HTR1E: variants seen among roughly 807,000 people sequenced by gnomAD.
HTR1E encodes the protein 5-hydroxytryptamine receptor 1E.
Under a neutral mutation model 3.4 loss-of-function variants are expected in HTR1E, and 3 were observed. The observed-to-expected ratio is 0.89, with a 90% CI of 0.41 to 2.31. The LOEUF (loss-of-function observed/expected upper bound fraction) is 2.31, where lower values mean the gene tolerates loss of function less well. HTR1E is among the 30% of genes most tolerant of loss of function. The pLI, the probability that HTR1E is intolerant of heterozygous loss-of-function variation, is 0.05. For synonymous variants in HTR1E, 170 were observed against 182.8 expected, an observed-to-expected ratio of 0.93 and a Z score of 0.56; for missense variants, 392 against 467.0, an observed-to-expected ratio of 0.84 and a Z score of 1.48.
chr6:86,949,306 A>C (rs1031154916), intron 1 of HTR1E, among the ~76,000 whole-genome samples: 2 of 152,172 alleles, frequency 1.3e-5, no homozygotes, highest in Non-Finnish European at 2.9e-5. Flanking sequence ...ATATGTGAAA[A>C]AGTGCTTAAA....
rs139559801 is a variant in HTR1E, at chr6:87,001,425, T to C, written c.-185-13725T>C. Among the ~76,000 whole-genome samples the C allele has an allele frequency of 1.1e-3, 167 of 152,292 alleles. 1 individual carries two copies. The highest frequency in any genetic ancestry group is 3.4e-3 in the Middle Eastern group (1 of 294). ...TCTGGTGCCTACAAGAAACACACTT[T>C]GTTACTGAAACACCAGGGCTTCTGT... is the stretch of plus-strand genomic sequence containing the variant. On this transcript the variant is annotated intron_variant, in intron 1 of 1. Transcript: ENST00000305344.
chr6:86,981,426 C>T (rs1052255364), intron 1 of HTR1E, among the ~76,000 whole-genome samples: 2 of 152,202 alleles, frequency 1.3e-5, no homozygotes, highest in Admixed American at 6.5e-5. Context: ...ATTATGCTTA[C>T]CATTTCGCAG....
At chr6:86,967,913 G>GA (rs1009976588) in intron 1 of HTR1E, among the ~76,000 whole-genome samples, 8 of 152,134 alleles carry the variant, frequency 5.3e-5, no homozygotes, top group Admixed American at 4.6e-4. Flanking sequence ...AGAGGGGAGA[G>GA]TTTTTTTGGA....
chr6:87,008,696 G>A (rs553079860), intron 1 of HTR1E, among the ~76,000 whole-genome samples: 1 of 152,264 alleles, frequency 6.6e-6, no homozygotes, highest in East Asian at 1.9e-4. Context: ...AGTATAAAAT[G>A]CAGCTTGCTG....
chr6:87,008,498 ATATT>A (rs897329957), intron 1 of HTR1E, among the ~76,000 whole-genome samples: 68 of 152,344 alleles, frequency 4.5e-4, no homozygotes, highest in African/African-American at 1.6e-3. Context: ...AGACGAAAGA[ATATT>A]TATGGTGAAT....
Position 87,016,455 on chromosome 6 carries a change from G to A in HTR1E, c.*23G>A, listed in dbSNP as rs75654356. 1.3e-4 allele frequency: 206 copies of A among 1,555,654 alleles called. No homozygotes were observed. In the African/African-American group the frequency reaches 2.5e-3, roughly 19 times the overall value. Reference sequence around the variant, plus strand: ...TAGACTGTAAAAAGCTAAAAGGCACGACTTTTTCCAGAGCCTCATGAGTGG... The same window carrying A: ...TAGACTGTAAAAAGCTAAAAGGCACAACTTTTTCCAGAGCCTCATGAGTGG... On this transcript the variant is annotated 3_prime_UTR_variant, in exon 2 of 2. Coordinates refer to ENST00000305344, the MANE Select transcript of HTR1E (RefSeq NM_000865.3).
intron 1 of HTR1E, among the ~76,000 whole-genome samples, chr6:86,957,539 CCTTACCT>C (rs1767343343): frequency 1.3e-5 from 2 of 152,236 alleles, no homozygotes; most frequent in South Asian, 4.1e-4. Context: ...TCATATTTCA[CCTTACCT>C]CTTAACTTTT....
chr6:86,950,733 A>G (rs1223755510), intron 1 of HTR1E, among the ~76,000 whole-genome samples: 1 of 152,204 alleles, frequency 6.6e-6, no homozygotes, highest in African/African-American at 2.4e-5. Context: ...TAAGAAGGCT[A>G]TCAAATCTTC....
chr6:86,987,048 C>T (rs920472974), intron 1 of HTR1E, among the ~76,000 whole-genome samples: 1 of 152,002 alleles, frequency 6.6e-6, no homozygotes, highest in Non-Finnish European at 1.5e-5. Flanking sequence ...GGCAAGACAA[C>T]CAAATACAAA....
chr6:87,009,588 G>C (rs1768170381), intron 1 of HTR1E, among the ~76,000 whole-genome samples: 1 of 148,938 alleles, frequency 6.7e-6, no homozygotes, highest in Admixed American at 6.6e-5. Context: ...ACACCTCCCA[G>C]ACGGGGTGGT....
chr6:86,941,501 A>G (rs1768543848), intron 1 of HTR1E, among the ~76,000 whole-genome samples: 1 of 152,188 alleles, frequency 6.6e-6, no homozygotes. Flanking sequence ...GGACACTTTA[A>G]TAGGTTTATT....
At chr6:87,014,029 A>G (rs938290606) in intron 1 of HTR1E, among the ~76,000 whole-genome samples, 1 of 152,032 alleles carries the variant, frequency 6.6e-6, no homozygotes, top group African/African-American at 2.4e-5. Flanking sequence ...CAGACACCAC[A>G]TGTTCTCACT....
chr6:86,949,254 A>T (rs1767183096), intron 1 of HTR1E, among the ~76,000 whole-genome samples: 1 of 152,200 alleles, frequency 6.6e-6, no homozygotes, highest in African/African-American at 2.4e-5. Flanking sequence ...TAATGCTAAT[A>T]CTTATCACCT....
In HTR1E at chr6:86,948,928, G is replaced by A. The variant is rs188002812; in HGVS notation, c.-186+11105G>A. Reference sequence around the variant, plus strand: ...ATAAAACTTTACATGGAGGAAGGAAGAGCCCAGAGATGGAGAAAGATTCTT... The same window carrying A: ...ATAAAACTTTACATGGAGGAAGGAAAAGCCCAGAGATGGAGAAAGATTCTT... On this transcript the variant is annotated intron_variant, in intron 1 of 1. Transcript: ENST00000305344. Among the ~76,000 whole-genome samples the A allele has an allele frequency of 1.1e-3, 171 of 152,290 alleles. 1 individual carries two copies. The highest frequency in any genetic ancestry group is 6.8e-3 in the Middle Eastern group (2 of 294).
chr6:86,943,165 T>C (rs1768567828), intron 1 of HTR1E, among the ~76,000 whole-genome samples: 1 of 152,218 alleles, frequency 6.6e-6, no homozygotes, highest in Non-Finnish European at 1.5e-5. Context: ...ATGAAATTTG[T>C]AGCTATGTTT....
chr6:86,969,483 T>A (rs780960639), intron 1 of HTR1E, among the ~76,000 whole-genome samples: 12 of 152,186 alleles, frequency 7.9e-5, no homozygotes, highest in Non-Finnish European at 1.6e-4. Flanking sequence ...TCACTAATTA[T>A]CTTTCAGGTT....
intron 1 of HTR1E, among the ~76,000 whole-genome samples, chr6:87,010,287 G>C (rs1198626787): frequency 1.1e-5 from 1 of 88,946 alleles, no homozygotes; most frequent in South Asian, 4.6e-4. Context: ...CTCACCTCCC[G>C]GACGGGGCGG....
At chr6:86,970,862 G>GAGCC (rs1037286535) in intron 1 of HTR1E, 11 of 265,772 alleles carry the variant, frequency 4.1e-5, no homozygotes, top group Non-Finnish European at 6.6e-5. Context: ...GAGGCTTGTA[G>GAGCC]AGCCACATAT....
intron 1 of HTR1E, among the ~76,000 whole-genome samples, chr6:87,009,457 ACTT>A (rs1768168276): frequency 6.6e-6 from 1 of 151,834 alleles, no homozygotes; most frequent in Admixed American, 6.6e-5. Context: ...TCCCATGTCT[ACTT>A]CTCTCCACAC....
Sources: allele counts gnomAD v4.1 joint callset (sites outside exome capture counted in the v4.1 genomes callset), GRCh38; gene constraint gnomAD v4.1.1; transcripts MANE v1.5; gene names NCBI Gene and HGNC (gene_info 2026-07-23, HGNC 2026-07-21).